TMEM108: variants seen among roughly 807,000 people sequenced by gnomAD.
The protein encoded by TMEM108 is transmembrane protein 108, also known as cancer/testis antigen 124.
Under a neutral mutation model 35.1 loss-of-function variants are expected in TMEM108, and 12 were observed. That is an observed-to-expected ratio of 0.34 (90% CI 0.22 to 0.55). TMEM108 has a LOEUF of 0.55. Ranked by LOEUF, TMEM108 falls within the 20% of genes least tolerant of loss-of-function variation. TMEM108 has a pLI of 0.89. For synonymous variants in TMEM108, 287 were observed against 308.6 expected (o/e 0.93, Z 0.73); for missense variants, 680 against 753.3 (o/e 0.90, Z 1.14).
chr3:133,385,459 G>A (rs1484071237), intron 4 of TMEM108, among the ~76,000 whole-genome samples: 1 of 152,166 alleles, frequency 6.6e-6, no homozygotes, highest in East Asian at 1.9e-4. Flanking sequence ...AGGCTGGTGG[G>A]TCAGACACTA....
intron 3 of TMEM108, among the ~76,000 whole-genome samples, chr3:133,294,570 A>G (rs1052828067): frequency 2.0e-4 from 30 of 152,242 alleles, no homozygotes; most frequent in African/African-American, 5.5e-4. Context: ...TAATTCTCTT[A>G]TCTGCAGAAG....
intron 3 of TMEM108, among the ~76,000 whole-genome samples, chr3:133,309,008 G>T (rs1374731902): frequency 1.3e-5 from 2 of 152,156 alleles, no homozygotes; most frequent in Non-Finnish European, 2.9e-5. Context: ...TTTTTGGTTG[G>T]TGGGCTATTA....
At chr3:133,167,490 G>A (rs932564010) in intron 2 of TMEM108, among the ~76,000 whole-genome samples, 15 of 152,384 alleles carry the variant, frequency 9.8e-5, no homozygotes, top group Middle Eastern at 3.4e-3. Context: ...GGAGCCCACC[G>A]TGGGGGGACT....
At chr3:133,055,046 C>G (rs1272903181) in intron 2 of TMEM108, among the ~76,000 whole-genome samples, 1 of 152,148 alleles carries the variant, frequency 6.6e-6, no homozygotes. Flanking sequence ...CTGCTGACTG[C>G]TGAGGTGAAA....
rs186263237 is a variant in TMEM108 at position 133,130,261 on chromosome 3, T to C, written c.-47+84241T>C. 4.6e-5 allele frequency among the ~76,000 whole-genome samples: 7 copies of C among 152,330 alleles called. No homozygotes were observed. The East Asian group carries it at 1.4e-3, about 29-fold the overall frequency. On this transcript the variant is annotated intron_variant, in intron 2 of 5. Coordinates refer to ENST00000321871, the MANE Select transcript of TMEM108 (RefSeq NM_023943.4). ...CCTGTTCCAGTTAATTGGTGCTGCA[T>C]AACAAACCACTCCAAAACTTAATGT... is the stretch of plus-strand genomic sequence containing the variant.
At chr3:133,163,567 C>T in intron 2 of TMEM108, among the ~76,000 whole-genome samples, 1 of 152,112 alleles carries the variant, frequency 6.6e-6, no homozygotes, top group South Asian at 2.1e-4. Flanking sequence ...CCTAGCCAGG[C>T]TAGTGGGGAC....
chr3:133,269,701 G>C (rs1946745319), intron 3 of TMEM108, among the ~76,000 whole-genome samples: 1 of 152,120 alleles, frequency 6.6e-6, no homozygotes, highest in Non-Finnish European at 1.5e-5. Flanking sequence ...ATGATATGAA[G>C]TTTTCATTGC....
At chr3:133,395,565 C>T (rs538922139) in intron 5 of TMEM108, among the ~76,000 whole-genome samples, 1 of 152,272 alleles carries the variant, frequency 6.6e-6, no homozygotes, top group East Asian at 1.9e-4. Flanking sequence ...GAAAGCAGTA[C>T]CATCTCTGGC....
At chr3:133,379,663 CAGCACTGTCCT>C in intron 3 of TMEM108, 78 bp from the exon 4 acceptor site, 1 of 1,336,164 alleles carries the variant, frequency 7.5e-7, no homozygotes, top group Non-Finnish European at 1.0e-6. Context: ...CCTGAGTTCC[CAGCACTGTCCT>C]AGGCCACAGG....
chr3:133,080,956 G>T (rs866059169), intron 2 of TMEM108, among the ~76,000 whole-genome samples: 1 of 152,124 alleles, frequency 6.6e-6, no homozygotes, highest in African/African-American at 2.4e-5. Context: ...TGGCAGAGTC[G>T]TTTGATGAAA....
intron 1 of TMEM108, among the ~76,000 whole-genome samples, chr3:133,045,356 A>G (rs941764279): frequency 5.3e-5 from 8 of 152,204 alleles, no homozygotes; most frequent in Admixed American, 2.0e-4. Context: ...TAACTAAGTC[A>G]AGGTTACTGT....
At chr3:133,361,506 G>T (rs750459526) in intron 3 of TMEM108, among the ~76,000 whole-genome samples, 2 of 152,186 alleles carry the variant, frequency 1.3e-5, no homozygotes, top group Non-Finnish European at 2.9e-5. Flanking sequence ...TTAAAATAAT[G>T]ACACCATTCA....
intron 3 of TMEM108, among the ~76,000 whole-genome samples, chr3:133,255,384 G>A (rs1946531459): frequency 6.6e-6 from 1 of 151,722 alleles, no homozygotes; most frequent in Non-Finnish European, 1.5e-5. Context: ...TGTAATTATT[G>A]GAATTTAAAA....
chr3:133,361,981 G>T (rs1475637118), intron 3 of TMEM108, among the ~76,000 whole-genome samples: 2 of 152,078 alleles, frequency 1.3e-5, no homozygotes, highest in African/African-American at 2.4e-5. Flanking sequence ...CCAAATAAAT[G>T]ATATGTATTT....
intron 3 of TMEM108, among the ~76,000 whole-genome samples, chr3:133,302,489 C>T (rs1212169113): frequency 2.4e-5 from 3 of 127,456 alleles, no homozygotes; most frequent in Non-Finnish European, 3.1e-5. Flanking sequence ...GGTGTGATCT[C>T]GGCTCACTTG....
chr3:133,073,875 G>A (rs187618239), intron 2 of TMEM108, among the ~76,000 whole-genome samples: 68 of 151,886 alleles, frequency 4.5e-4, no homozygotes, highest in African/African-American at 1.5e-3. Flanking sequence ...ATATCTCATT[G>A]TGGTTTTGAT....
At chr3:133,182,457 G>A (rs1945361214) in intron 2 of TMEM108, among the ~76,000 whole-genome samples, 1 of 152,160 alleles carries the variant, frequency 6.6e-6, no homozygotes, top group African/African-American at 2.4e-5. Context: ...CTAAGCATTA[G>A]CAAAACATGA....
intron 1 of TMEM108, among the ~76,000 whole-genome samples, chr3:133,043,478 CTTAAA>C (rs775546869): frequency 1.7e-4 from 26 of 152,338 alleles, no homozygotes; most frequent in Middle Eastern, 3.4e-3. Flanking sequence ...TTTTACCCAT[CTTAAA>C]TTAATAATGT....
At chr3:133,186,300 A>G (rs1945420083) in intron 2 of TMEM108, among the ~76,000 whole-genome samples, 1 of 152,206 alleles carries the variant, frequency 6.6e-6, no homozygotes, top group Non-Finnish European at 1.5e-5. Context: ...CTTTCAAAGT[A>G]CCAAAGAGAG....
Sources: gnomAD v4.1 joint callset for allele counts (sites outside exome capture counted in the v4.1 genomes callset) on GRCh38, gnomAD v4.1.1 for gene constraint, MANE v1.5 for transcripts, NCBI Gene and HGNC (gene_info 2026-07-23, HGNC 2026-07-21) for gene names.